The following HECW2 variants were observed in gnomAD, a reference collection of about 807,000 sequenced individuals.
The protein encoded by HECW2 is HECT, C2 and WW domain containing E3 ubiquitin protein ligase 2.
In HECW2, 61 loss-of-function variants were observed where a neutral mutation model predicts 175.2. The ratio of observed to expected loss-of-function variants is 0.35; its 90% CI spans 0.28 to 0.43. The LOEUF (loss-of-function observed/expected upper bound fraction) is 0.43. HECW2 is among the 20% of genes least tolerant of loss of function. The pLI, the probability that HECW2 is intolerant of heterozygous loss-of-function variation, is 1.00. For missense variants in HECW2, 1,524 were observed against 2,000.5 expected (o/e 0.76, Z 4.54); for synonymous variants, 671 against 731.0 (o/e 0.92, Z 1.32).
chr2:196,301,347 C>T (rs528911984), intron 13 of HECW2, among the ~76,000 whole-genome samples: 13 of 152,082 alleles, frequency 8.5e-5, no homozygotes, highest in African/African-American at 2.4e-4. Flanking sequence ...TACATGTTCA[C>T]GTATCTTTAT....
At chr2:196,367,328 G>A (rs1224636482) in intron 2 of HECW2, among the ~76,000 whole-genome samples, 1 of 152,106 alleles carries the variant, frequency 6.6e-6, no homozygotes, top group East Asian at 1.9e-4. Context: ...TGGGTCTTAG[G>A]CGTTTGCATT....
intron 1 of HECW2, among the ~76,000 whole-genome samples, chr2:196,460,644 C>G (rs917846474): frequency 1.3e-5 from 2 of 152,062 alleles, no homozygotes; most frequent in Admixed American, 6.6e-5. Context: ...GGGTCTTGGT[C>G]TGTCACCCAG....
intron 1 of HECW2, among the ~76,000 whole-genome samples, chr2:196,591,679 G>T (rs1239109464): frequency 6.6e-6 from 1 of 151,064 alleles, no homozygotes; most frequent in Non-Finnish European, 1.5e-5. Flanking sequence ...GATAATTTCT[G>T]AAGAATACAA....
chr2:196,472,481 CAAAAAAAAAAAA>C (rs538116476), intron 1 of HECW2, among the ~76,000 whole-genome samples: 1 of 71,380 alleles, frequency 1.4e-5, no homozygotes, highest in African/African-American at 4.9e-5. Context: ...GAGACTCCGT[CAAAAAAAAAAAA>C]AAAAAAAAAA....
At chr2:196,361,141 T>C (rs1437077034) in intron 2 of HECW2, among the ~76,000 whole-genome samples, 4 of 152,124 alleles carry the variant, frequency 2.6e-5, no homozygotes, top group Non-Finnish European at 2.9e-5. Context: ...TGCCCTGGAG[T>C]TGTTCCAGTT....
chr2:196,256,909 C>T (rs2375686), intron 18 of HECW2, among the ~76,000 whole-genome samples: 43,432 of 151,936 alleles, frequency 0.29, 6,328 homozygotes, highest in East Asian at 0.44. Flanking sequence ...TGACTACACA[C>T]AAAGAAAAAT....
At chr2:196,218,380 T>C (rs1210078008) in intron 26 of HECW2, 4 of 152,192 alleles carry the variant, frequency 2.6e-5, no homozygotes, top group Non-Finnish European at 5.9e-5. Flanking sequence ...TCTCAGCATT[T>C]TTCTTCCCCC....
chr2:196,431,063 C>CA (rs1246445145), intron 2 of HECW2, among the ~76,000 whole-genome samples: 5 of 152,116 alleles, frequency 3.3e-5, no homozygotes, highest in Non-Finnish European at 7.4e-5. Context: ...AGACATGTAA[C>CA]ATACAGGGGA....
intron 10 of HECW2, among the ~76,000 whole-genome samples, chr2:196,314,939 A>G (rs1420469736): frequency 6.6e-6 from 1 of 152,142 alleles, no homozygotes; most frequent in African/African-American, 2.4e-5. Context: ...TCCAGTTAGA[A>G]AAGGAGGGCA....
intron 2 of HECW2, among the ~76,000 whole-genome samples, chr2:196,378,915 T>G (rs1038086227): frequency 1.3e-5 from 2 of 152,186 alleles, no homozygotes; most frequent in Non-Finnish European, 2.9e-5. Context: ...GTCAGACTCT[T>G]GTGTAACTTT....
At chr2:196,468,237 C>T (rs565103326) in intron 1 of HECW2, among the ~76,000 whole-genome samples, 9 of 152,294 alleles carry the variant, frequency 5.9e-5, no homozygotes, top group Admixed American at 2.6e-4. Flanking sequence ...TCAAGTGATC[C>T]GCCCGCCTTG....
chr2:196,553,848 C>G (rs982682057), intron 1 of HECW2, among the ~76,000 whole-genome samples: 4 of 152,212 alleles, frequency 2.6e-5, no homozygotes, highest in Non-Finnish European at 5.9e-5. Context: ...TCAGTAATAT[C>G]CAATCCACAC....
intron 1 of HECW2, among the ~76,000 whole-genome samples, chr2:196,573,971 A>G (rs1690472688): frequency 6.6e-6 from 1 of 152,072 alleles, no homozygotes; most frequent in African/African-American, 2.4e-5. Flanking sequence ...GCCTGAACCC[A>G]GGAGTTCAAG....
rs995223430 is a variant in HECW2, at chr2:196,488,656, C to A, written c.-35-55198G>T. On this transcript the variant is annotated intron_variant, in intron 1 of 28. Coordinates refer to ENST00000644978, the MANE Select transcript of HECW2 (RefSeq NM_001348768.2). ...CACACACACACACACACACACACAC[C>A]CCACATAAAACATACCTGATTCCAT... Among the ~76,000 whole-genome samples, 5 of 149,020 alleles carry A rather than the reference C, an allele frequency of 3.4e-5. 1 individual carries two copies. Among genetic ancestry groups the A allele is most frequent in the Admixed American group, 3.3e-4 (5 of 15,054 alleles).
chr2:196,222,034 T>G (rs1687688099), intron 24 of HECW2, among the ~76,000 whole-genome samples, 177 bp downstream of exon 24: 1 of 152,254 alleles, frequency 6.6e-6, no homozygotes, highest in African/African-American at 2.4e-5. Context: ...AATCTGCAGC[T>G]GACATTAATT....
Position 196,310,768 on chromosome 2 carries a change from T to TTGTG in HECW2, c.2435-2687_2435-2684dup, listed in dbSNP as rs143340435. On this transcript the variant is annotated intron_variant, in intron 10 of 28. Transcript: ENST00000644978. ...TGCAGTGAAAACGAGAGCAACGATT[T>TTGTG]TGTGTGTGTGTGTGTGTGTGTTTTG... Among the ~76,000 whole-genome samples the TTGTG allele has an allele frequency of 1.7e-3, 250 of 148,318 alleles. 1 individual carries two copies. The highest frequency in any genetic ancestry group is 4.7e-3 in the African/African-American group (190 of 40,594).
intron 19 of HECW2, among the ~76,000 whole-genome samples, chr2:196,245,633 T>C (rs1688618488): frequency 2.0e-5 from 3 of 152,152 alleles, no homozygotes. Context: ...GTGTTAGCTG[T>C]TGTTATCTGC....
intron 1 of HECW2, among the ~76,000 whole-genome samples, chr2:196,558,160 T>A (rs944461187): frequency 6.6e-6 from 1 of 152,210 alleles, no homozygotes; most frequent in South Asian, 2.1e-4. Flanking sequence ...AAAGTTATTT[T>A]TCTAACATTT....
intron 28 of HECW2, among the ~76,000 whole-genome samples, chr2:196,212,076 A>T (rs543282102): frequency 6.6e-6 from 1 of 152,278 alleles, no homozygotes; most frequent in East Asian, 1.9e-4. Flanking sequence ...ACCTCAGGCA[A>T]TCCGTCCGCC....
Sources: gnomAD v4.1 joint callset for allele counts (sites outside exome capture counted in the v4.1 genomes callset) on GRCh38, gnomAD v4.1.1 for gene constraint, MANE v1.5 for transcripts, NCBI Gene and HGNC (gene_info 2026-07-23, HGNC 2026-07-21) for gene names.